The following PIP4K2A variants were observed in gnomAD, a reference collection of about 807,000 sequenced individuals.
The protein encoded by PIP4K2A is phosphatidylinositol 5-phosphate 4-kinase type-2 alpha.
In PIP4K2A, 14 loss-of-function variants were observed where a neutral mutation model predicts 42.9. The ratio of observed to expected loss-of-function variants is 0.33; its 90% CI spans 0.22 to 0.51. PIP4K2A has a LOEUF of 0.51. PIP4K2A is among the 20% of genes least tolerant of loss of function. PIP4K2A has a pLI of 0.97. For missense variants in PIP4K2A, 434 were observed against 519.8 expected, an observed-to-expected ratio of 0.83 and a Z score of 1.61; for synonymous variants, 192 against 192.2, an observed-to-expected ratio of 1.00 and a Z score of 0.01.
At chr10:22,687,586 C>T (rs967072454) in intron 1 of PIP4K2A, among the ~76,000 whole-genome samples, 8 of 151,990 alleles carry the variant, frequency 5.3e-5, no homozygotes, top group Non-Finnish European at 8.8e-5. Flanking sequence ...AACACACACA[C>T]AAATTAACTA....
intron 1 of PIP4K2A, among the ~76,000 whole-genome samples, chr10:22,708,016 A>AG (rs1298637980): frequency 1.3e-5 from 2 of 152,170 alleles, no homozygotes; most frequent in African/African-American, 2.4e-5. Context: ...GAAATAAGCT[A>AG]GGGGGGTTTA....
chr10:22,542,578 C>T (rs1836150013), intron 7 of PIP4K2A, among the ~76,000 whole-genome samples: 2 of 152,186 alleles, frequency 1.3e-5, no homozygotes, highest in Admixed American at 1.3e-4. Context: ...GCAGTCCTGT[C>T]CAGGTCAACA....
intron 4 of PIP4K2A, among the ~76,000 whole-genome samples, chr10:22,577,989 T>C (rs371070296): frequency 2.0e-4 from 30 of 152,330 alleles, no homozygotes; most frequent in African/African-American, 5.5e-4. Flanking sequence ...GGCAATTTTC[T>C]TAACCTGAGA....
At chr10:22,604,374 A>T (rs1286163006) in intron 3 of PIP4K2A, among the ~76,000 whole-genome samples, 1 of 151,988 alleles carries the variant, frequency 6.6e-6, no homozygotes, top group Non-Finnish European at 1.5e-5. Context: ...TGTAGCAAAA[A>T]GGTGGTCACA....
At chr10:22,543,578 G>C (rs79141037) in intron 7 of PIP4K2A, among the ~76,000 whole-genome samples, 2,106 of 152,252 alleles carry the variant, frequency 0.014, 34 homozygotes, top group African/African-American at 0.047. Flanking sequence ...CCCCATTACA[G>C]TAAACATGAG....
intron 1 of PIP4K2A, among the ~76,000 whole-genome samples, chr10:22,667,066 C>A (rs1839365728): frequency 6.6e-6 from 1 of 152,200 alleles, no homozygotes; most frequent in Non-Finnish European, 1.5e-5. Context: ...CAGACTATAA[C>A]TTTGTAAAAA....
At chr10:22,595,998 G>A (rs1837625277) in intron 3 of PIP4K2A, among the ~76,000 whole-genome samples, 1 of 151,974 alleles carries the variant, frequency 6.6e-6, no homozygotes, top group South Asian at 2.1e-4. Flanking sequence ...CTGAGGCTGG[G>A]AGTTCGAGAC....
intron 3 of PIP4K2A, among the ~76,000 whole-genome samples, chr10:22,606,145 CAA>C (rs5783802): frequency 6.8e-4 from 95 of 140,532 alleles, no homozygotes; most frequent in African/African-American, 1.3e-3. Context: ...CAATCTCTAC[CAA>C]AAAAAAAAAA....
At chr10:22,700,395 C>T (rs1833691803) in intron 1 of PIP4K2A, among the ~76,000 whole-genome samples, 1 of 152,176 alleles carries the variant, frequency 6.6e-6, no homozygotes, top group African/African-American at 2.4e-5. Flanking sequence ...ATAAACCCCA[C>T]TTTCTTTTCT....
intron 4 of PIP4K2A, among the ~76,000 whole-genome samples, chr10:22,583,468 C>T (rs529357299): frequency 6.6e-6 from 1 of 152,294 alleles, no homozygotes; most frequent in East Asian, 1.9e-4. Context: ...ATGTGAGGAG[C>T]TGGGATCCAA....
intron 4 of PIP4K2A, among the ~76,000 whole-genome samples, chr10:22,586,783 G>A (rs1021087265): frequency 3.9e-5 from 6 of 152,024 alleles, no homozygotes; most frequent in East Asian, 1.9e-4. Context: ...CACCCACCTC[G>A]GCCTCCCAAA....
intron 6 of PIP4K2A, chr10:22,567,609 T>C (rs574251931): frequency 2.4e-5 from 17 of 705,954 alleles, no homozygotes; most frequent in African/African-American, 2.3e-4. Flanking sequence ...AAGTTGCATG[T>C]GGAATGTTCC....
At chr10:22,670,855 G>C (rs1839436020) in intron 1 of PIP4K2A, among the ~76,000 whole-genome samples, 1 of 152,024 alleles carries the variant, frequency 6.6e-6, no homozygotes, top group Admixed American at 6.6e-5. Flanking sequence ...TTAAAAAACG[G>C]CAAATGTAAG....
chr10:22,683,889 C>G (rs1650374869), intron 1 of PIP4K2A, among the ~76,000 whole-genome samples: 1 of 150,756 alleles, frequency 6.6e-6, no homozygotes, highest in Non-Finnish European at 1.5e-5. Context: ...CAAAGTGTGT[C>G]AGATCTTGAA....
At chr10:22,629,519 A>C (rs1234224538) in intron 1 of PIP4K2A, among the ~76,000 whole-genome samples, 1 of 152,232 alleles carries the variant, frequency 6.6e-6, no homozygotes, top group Non-Finnish European at 1.5e-5. Context: ...TAAAAAAATC[A>C]AGAGTGACTT....
At chr10:22,665,461 A>T (rs148030661) in intron 1 of PIP4K2A, among the ~76,000 whole-genome samples, 1 of 152,172 alleles carries the variant, frequency 6.6e-6, no homozygotes, top group Non-Finnish European at 1.5e-5. Flanking sequence ...GTATCTTTTG[A>T]GACAGGGTCT....
At chr10:22,539,692 T>A (rs946518438) in intron 9 of PIP4K2A, 8 of 362,344 alleles carry the variant, frequency 2.2e-5, no homozygotes, top group African/African-American at 1.4e-4. Context: ...TTAAGTGACT[T>A]CGCTGGAAGC....
chr10:22,592,972 A>G (rs966658180), intron 3 of PIP4K2A, among the ~76,000 whole-genome samples: 81 of 152,388 alleles, frequency 5.3e-4, no homozygotes, highest in Non-Finnish European at 1.0e-4. Flanking sequence ...TCAGAGGGGC[A>G]GGTGATAGAT....
intron 1 of PIP4K2A, among the ~76,000 whole-genome samples, chr10:22,646,919 GACAAAACAAAACAAAAA>G (rs1838896493): frequency 6.6e-6 from 1 of 151,088 alleles, no homozygotes. Context: ...AACTCTTCAA[GACAAAACAAAACAAAAA>G]ACAAAACAAA....
Sources: allele counts gnomAD v4.1 joint callset (sites outside exome capture counted in the v4.1 genomes callset), GRCh38; gene constraint gnomAD v4.1.1; transcripts MANE v1.5; gene names NCBI Gene and HGNC (gene_info 2026-07-23, HGNC 2026-07-21).